The following IGFBP2 variants were observed in gnomAD, a reference collection of about 807,000 sequenced individuals.
IGFBP2 encodes the protein insulin like growth factor binding protein 2, also known as insulin-like growth factor-binding protein 2.
In IGFBP2, 12 loss-of-function variants were observed where a neutral mutation model predicts 26.2. The ratio of observed to expected loss-of-function variants is 0.46; its 90% confidence interval spans 0.29 to 0.74. The LOEUF (loss-of-function observed/expected upper bound fraction) is 0.74, where lower values mean the gene tolerates loss of function less well. Ranked by LOEUF, IGFBP2 falls within the 30% of genes least tolerant of loss-of-function variation. The pLI, the probability that IGFBP2 is intolerant of heterozygous loss-of-function variation, is 0.09. For synonymous variants in IGFBP2, 189 were observed against 200.6 expected, an observed-to-expected ratio of 0.94 and a Z score of 0.49; for missense variants, 328 against 441.2, an observed-to-expected ratio of 0.74 and a Z score of 2.30.
intron 1 of IGFBP2, among the ~76,000 whole-genome samples, chr2:216,634,696 A>G (rs560208494): frequency 2.4e-4 from 37 of 152,266 alleles, no homozygotes; most frequent in Non-Finnish European, 4.7e-4. Context: ...GGGGGCAGCC[A>G]GGCTGTGCGG....
At chr2:216,651,984 ACTC>A (rs1349014138) in intron 1 of IGFBP2, among the ~76,000 whole-genome samples, 2 of 150,908 alleles carry the variant, frequency 1.3e-5, no homozygotes, top group Non-Finnish European at 3.0e-5. Context: ...CTGGTCTTGA[ACTC>A]CTGGCCTCAA....
At chr2:216,651,040 T>C (rs1697812160) in intron 1 of IGFBP2, among the ~76,000 whole-genome samples, 1 of 151,964 alleles carries the variant, frequency 6.6e-6, no homozygotes, top group East Asian at 1.9e-4. Flanking sequence ...GCGACAGACA[T>C]CTGTGCACAC....
Position 216,646,064 on chromosome 2 carries a change from T to A in IGFBP2, c.442+12099T>A, listed in dbSNP as rs200453548. 6.6e-5 allele frequency among the ~76,000 whole-genome samples: 10 copies of A among 152,242 alleles called. No individual in the cohort carries two copies. The East Asian group carries it at 1.9e-3, about 29-fold the overall frequency. On this transcript the variant is annotated intron_variant, in intron 1 of 3. Coordinates refer to ENST00000233809, the MANE Select transcript of IGFBP2 (RefSeq NM_000597.3). ...ACAGAGAAAAGCATGGTGACCTATT[T>A]AAAGACACTTATTTATATTCAAGAC...
At chr2:216,643,554 G>A (rs1697654757) in intron 1 of IGFBP2, among the ~76,000 whole-genome samples, 1 of 152,118 alleles carries the variant, frequency 6.6e-6, no homozygotes, top group Non-Finnish European at 1.5e-5. Context: ...CGGGGTGGAT[G>A]GTCATGTTAG....
chr2:216,663,239 C>T (rs1366777641), intron 3 of IGFBP2: 2 of 152,224 alleles, frequency 1.3e-5, no homozygotes, highest in African/African-American at 4.8e-5. Flanking sequence ...GATCACTTCT[C>T]ATGGGAAACA....
intron 1 of IGFBP2, among the ~76,000 whole-genome samples, chr2:216,641,304 A>T (rs1233424152): frequency 6.6e-6 from 1 of 152,198 alleles, no homozygotes; most frequent in African/African-American, 2.4e-5. Flanking sequence ...TGGAGGTTCA[A>T]ATCCCAGGTG....
chr2:216,638,444 G>T (rs1012014783), intron 1 of IGFBP2, among the ~76,000 whole-genome samples: 3 of 151,974 alleles, frequency 2.0e-5, no homozygotes, highest in Non-Finnish European at 2.9e-5. Context: ...ACTGGAGGTT[G>T]CAGTGAGCCG....
At chr2:216,637,283 A>G (rs1488555316) in intron 1 of IGFBP2, among the ~76,000 whole-genome samples, 3 of 152,164 alleles carry the variant, frequency 2.0e-5, no homozygotes, top group East Asian at 1.9e-4. Context: ...TGTTCATGAA[A>G]GAAGGAGATG....
chr2:216,642,500 G>A (rs933256916), intron 1 of IGFBP2, among the ~76,000 whole-genome samples: 4 of 150,664 alleles, frequency 2.7e-5, no homozygotes, highest in Admixed American at 2.0e-4. Context: ...TAGAGACGGG[G>A]TTTCACCGTG....
chr2:216,650,518 C>G (rs916272499), intron 1 of IGFBP2, among the ~76,000 whole-genome samples: 1 of 152,192 alleles, frequency 6.6e-6, no homozygotes, highest in Admixed American at 6.5e-5. Context: ...TCTCTGCCCT[C>G]CCTTGGTGGT....
chr2:216,652,871 C>G (rs556369768), intron 1 of IGFBP2, among the ~76,000 whole-genome samples: 19 of 152,258 alleles, frequency 1.2e-4, no homozygotes, highest in African/African-American at 4.3e-4. Flanking sequence ...ATGCTATTAC[C>G]TGTTGCAAGA....
intron 1 of IGFBP2, among the ~76,000 whole-genome samples, chr2:216,651,837 A>G (rs563785067): frequency 1.3e-5 from 2 of 152,092 alleles, no homozygotes; most frequent in Admixed American, 6.5e-5. Flanking sequence ...TCACTGCAAG[A>G]AGTGAACTCC....
At chr2:216,640,239 T>C (rs1481966922) in intron 1 of IGFBP2, among the ~76,000 whole-genome samples, 1 of 152,108 alleles carries the variant, frequency 6.6e-6, no homozygotes, top group Non-Finnish European at 1.5e-5. Flanking sequence ...GACTGGAGAC[T>C]ATAATGCTTG....
At chr2:216,656,640 G>A (rs1266646015) in intron 1 of IGFBP2, among the ~76,000 whole-genome samples, 2 of 152,200 alleles carry the variant, frequency 1.3e-5, no homozygotes, top group African/African-American at 2.4e-5. Context: ...GGATGTTCCA[G>A]GCATTGAGTT....
rs769901493 is a variant in IGFBP2 at position 216,664,217 on chromosome 2, C to T, written c.*113C>T. The T allele has an allele frequency of 1.5e-5, 13 of 859,674 alleles. No individual in the cohort carries two copies. The highest frequency in any genetic ancestry group is 3.4e-5 in the African/African-American group (2 of 58,444). 53.3% of individuals were successfully genotyped at this position (859,674 alleles called of 1,614,324 possible). A position where few individuals can be genotyped will look rare whatever the true frequency, so the allele number is the denominator to read the frequency against. On this transcript the variant is annotated 3_prime_UTR_variant, in exon 4 of 4. Coordinates refer to ENST00000233809, the MANE Select transcript of IGFBP2 (RefSeq NM_000597.3). This position sits in a 1 kb window ranked among gnomAD's most constrained non-coding sequence, Gnocchi z 4.6. ...TGGAGGATTTTCCAGTTCTGACACA[C>T]GTATTTATATTTGGAAAGAGACCAG...
rs9341199 is a variant in IGFBP2 at position 216,660,158 on chromosome 2, G to A, written c.443-399G>A. Reference sequence around the variant, plus strand: ...GACTTAAACCCATTCCATGGTCAGGGCCTTTCAAATGCATTCATCCCTCTG... The same window carrying A: ...GACTTAAACCCATTCCATGGTCAGGACCTTTCAAATGCATTCATCCCTCTG... On this transcript the variant is annotated intron_variant, in intron 1 of 3. Coordinates refer to ENST00000233809, the MANE Select transcript of IGFBP2 (RefSeq NM_000597.3). Among the ~76,000 whole-genome samples, 1,259 of 152,290 alleles carry A rather than the reference G, an allele frequency of 8.3e-3. 13 individuals carry two copies. Among genetic ancestry groups the A allele is most frequent in the Non-Finnish European group, 0.014 (969 of 68,020 alleles).
rs566374884 is a variant in IGFBP2 at position 216,661,896 on chromosome 2, G to A, written c.711G>A (p.Arg237=). Residue 237 remains arginine, a synonymous_variant, in exon 3 of 4, where the codon CGG becomes CGA. Transcript: ENST00000233809. ...AGGAACTGGACCAGGTCCTGGAGCG[G>A]ATCTCCACCATGCGCCTTCCGGATG... is the stretch of plus-strand genomic sequence containing the variant. ...CQQELDQVLE[R]ISTMRLPDER... 2 of 1,614,182 alleles carry A rather than the reference G, an allele frequency of 1.2e-6. No homozygotes were observed. Among genetic ancestry groups the A allele is most frequent in the South Asian group, 1.1e-5 (1 of 91,086 alleles).
Position 216,636,981 on chromosome 2 carries a change from G to T in IGFBP2, c.442+3016G>T, listed in dbSNP as rs1046293686. ...GGGAGGCTCTGCATCTGCAGTTGCCGGGGAAGAATAAAGGGGGGAAGAGGC... is the reference window on the plus strand; with the variant it reads ...GGGAGGCTCTGCATCTGCAGTTGCCTGGGAAGAATAAAGGGGGGAAGAGGC... On this transcript the variant is annotated intron_variant, in intron 1 of 3. Coordinates refer to ENST00000233809, the MANE Select transcript of IGFBP2 (RefSeq NM_000597.3). 3.4e-4 allele frequency among the ~76,000 whole-genome samples: 51 copies of T among 152,060 alleles called. 1 individual carries two copies. Among genetic ancestry groups the T allele is most frequent in the African/African-American group, 1.2e-3 (48 of 41,404 alleles).
chr2:216,651,757 A>C (rs1697829172), intron 1 of IGFBP2, among the ~76,000 whole-genome samples: 1 of 152,206 alleles, frequency 6.6e-6, no homozygotes, highest in Admixed American at 6.5e-5. Flanking sequence ...GATTGTTCAC[A>C]CATTCCTTTT....
Sources: allele counts gnomAD v4.1 joint callset (sites outside exome capture counted in the v4.1 genomes callset), GRCh38; gene constraint gnomAD v4.1.1; non-coding constraint Gnocchi (gnomAD v3.1); transcripts MANE v1.5; gene names NCBI Gene and HGNC (gene_info 2026-07-23, HGNC 2026-07-21).